The following UAP1 variants were observed in gnomAD, a reference collection of about 807,000 sequenced individuals.
UAP1 encodes UDP-N-acetylglucosamine pyrophosphorylase 1, also known as UDP-N-acetylhexosamine pyrophosphorylase.
A neutral mutation model predicts 58.5 loss-of-function variants in UAP1; 25 were observed. The ratio of observed to expected loss-of-function variants is 0.43; its 90% CI spans 0.31 to 0.60. The LOEUF (loss-of-function observed/expected upper bound fraction) is 0.60. Among genes scored for constraint, UAP1 ranks in the 20% least tolerant of loss-of-function variants. The probability of loss-of-function intolerance (pLI) is 0.11; values close to 1 mark genes in which losing one functional copy is unlikely to be tolerated. For missense variants in UAP1, 575 were observed against 630.0 expected, an observed-to-expected ratio of 0.91 and a Z score of 0.93; for synonymous variants, 208 against 213.0, an observed-to-expected ratio of 0.98 and a Z score of 0.21.
chr1:162,591,259 C>A (rs930105412), intron 8 of UAP1, among the ~76,000 whole-genome samples: 1 of 151,878 alleles, frequency 6.6e-6, no homozygotes, highest in Non-Finnish European at 1.5e-5. Context: ...GTCTGTGAGA[C>A]CCACTCATAG....
intron 3 of UAP1, among the ~76,000 whole-genome samples, chr1:162,578,590 CTT>C: frequency 6.6e-6 from 1 of 152,312 alleles, no homozygotes; most frequent in East Asian, 1.9e-4. Context: ...TCTTCTCTCT[CTT>C]TCTTCCATCT....
chr1:162,593,944 T>C (rs941642789), intron 9 of UAP1, among the ~76,000 whole-genome samples: 1 of 152,096 alleles, frequency 6.6e-6, no homozygotes. Context: ...TGGGATGTGA[T>C]TCTGTAAACA....
chr1:162,589,849 G>GA (rs1398538237), intron 7 of UAP1, among the ~76,000 whole-genome samples: 2 of 152,126 alleles, frequency 1.3e-5, no homozygotes, highest in Non-Finnish European at 2.9e-5. Context: ...GTGCATGCCT[G>GA]AAGTCCCAGC....
chr1:162,563,793 T>G (rs940615666), intron 1 of UAP1, among the ~76,000 whole-genome samples: 1 of 152,236 alleles, frequency 6.6e-6, no homozygotes, highest in Non-Finnish European at 1.5e-5. Context: ...GTATGCCTTT[T>G]ATCAGACAGA....
intron 7 of UAP1, 113 bp from the exon 8 acceptor site, chr1:162,590,210 C>A: frequency 1.3e-6 from 1 of 775,330 alleles, no homozygotes. Flanking sequence ...ATTCATCATT[C>A]AGATTGGAAT....
intron 7 of UAP1, 135 bp downstream of exon 7, chr1:162,588,968 A>T: frequency 1.1e-6 from 1 of 873,488 alleles, no homozygotes; most frequent in Non-Finnish European, 1.6e-6. Flanking sequence ...GTGAGTATGT[A>T]GTCTAGATTC....
chr1:162,599,606 GA>G lies in UAP1; in HGVS notation c.*244del, dbSNP rs999026530. On this transcript the variant is annotated 3_prime_UTR_variant, in exon 11 of 11. Coordinates refer to ENST00000271469, the Ensembl canonical transcript of UAP1. ...TATATAATTTTTTCCAAGCCAAGGAGACCATTGGCCATCCAGGAAATTTCGT... is the reference window on the plus strand; with the variant it reads ...TATATAATTTTTTCCAAGCCAAGGAGCCATTGGCCATCCAGGAAATTTCGT... The G allele has an allele frequency of 2.2e-5, 7 of 315,422 alleles. No individual in the cohort carries two copies. In the Admixed American group the frequency reaches 3.3e-4, roughly 15 times the overall value. 19.5% of individuals were successfully genotyped at this position (315,422 alleles called of 1,614,324 possible). A position where few individuals can be genotyped will look rare whatever the true frequency, so the allele number is the denominator to read the frequency against.
chr1:162,576,080 C>G (rs1654161766), intron 2 of UAP1, among the ~76,000 whole-genome samples: 1 of 152,210 alleles, frequency 6.6e-6, no homozygotes, highest in Non-Finnish European at 1.5e-5. Flanking sequence ...GGTGATACCC[C>G]AAGCGCATTC....
At chr1:162,575,705 G>A (rs1050665410) in intron 2 of UAP1, among the ~76,000 whole-genome samples, 2 of 140,956 alleles carry the variant, frequency 1.4e-5, no homozygotes, top group Admixed American at 7.0e-5. Flanking sequence ...TTATGTTTTT[G>A]TATTTTGTTT....
intron 2 of UAP1, among the ~76,000 whole-genome samples, chr1:162,573,795 G>C (rs981099785): frequency 6.6e-6 from 1 of 151,770 alleles, no homozygotes; most frequent in Non-Finnish European, 1.5e-5. Context: ...TGAGACCCCT[G>C]TCTACTAAAA....
chr1:162,597,735 C>A, intron 9 of UAP1, 57 bp from the exon 10 acceptor site: 1 of 1,463,148 alleles, frequency 6.8e-7, no homozygotes, highest in Admixed American at 1.8e-5. Context: ...TGTACTTTTG[C>A]TCTGGCAAGT....
At chr1:162,564,335 G>A (rs939718948) in intron 1 of UAP1, among the ~76,000 whole-genome samples, 1 of 152,130 alleles carries the variant, frequency 6.6e-6, no homozygotes, top group Non-Finnish European at 1.5e-5. Context: ...GGTAACCGAG[G>A]CATGGGGAAA....
intron 5 of UAP1, among the ~76,000 whole-genome samples, chr1:162,585,150 G>A (rs574346182): frequency 3.3e-5 from 5 of 151,586 alleles, no homozygotes; most frequent in African/African-American, 1.2e-4. Flanking sequence ...TTGGCCTCCC[G>A]GAGTGCTGGG....
chr1:162,596,398 C>G (rs1401646194), intron 9 of UAP1, among the ~76,000 whole-genome samples: 1 of 151,944 alleles, frequency 6.6e-6, no homozygotes, highest in African/African-American at 2.4e-5. Flanking sequence ...TGGTCTCAAA[C>G]TCCTGACCTC....
chr1:162,597,252 G>A (rs563720026), intron 9 of UAP1: 1 of 152,160 alleles, frequency 6.6e-6, no homozygotes, highest in Non-Finnish European at 1.5e-5. Flanking sequence ...TGATTATTAT[G>A]ACTGAGAAAC....
intron 9 of UAP1, among the ~76,000 whole-genome samples, chr1:162,595,548 G>A (rs1655572979): frequency 6.6e-6 from 1 of 152,052 alleles, no homozygotes; most frequent in African/African-American, 2.4e-5. Flanking sequence ...GCCCCACTAT[G>A]CCTCCTCTTT....
intron 9 of UAP1, chr1:162,593,265 T>G (rs1655427330): frequency 1.9e-5 from 3 of 154,514 alleles, no homozygotes; most frequent in African/African-American, 7.2e-5. Context: ...ACAGCTCTCC[T>G]TTTTGGTCAC....
At chr1:162,570,028 A>G (rs1653753064) in intron 2 of UAP1, among the ~76,000 whole-genome samples, 1 of 152,092 alleles carries the variant, frequency 6.6e-6, no homozygotes, top group African/African-American at 2.4e-5. Flanking sequence ...AGGTGCTTGT[A>G]GTCCCAGCTA....
exon 2 of UAP1, chr1:162,566,210 T>C (rs765569441): frequency 6.2e-7 from 1 of 1,614,116 alleles, no homozygotes; most frequent in Non-Finnish European, 8.5e-7. Context: ...GCTGAACTTC[T>C]TTTTCCAAAA....
Sources: allele counts gnomAD v4.1 joint callset (sites outside exome capture counted in the v4.1 genomes callset), GRCh38; gene constraint gnomAD v4.1.1; transcripts MANE v1.5; gene names NCBI Gene and HGNC (gene_info 2026-07-23, HGNC 2026-07-21).